SLIT3: variants seen among roughly 807,000 people sequenced by gnomAD.
The protein encoded by SLIT3 is slit guidance ligand 3, also known as slit homolog 3 protein.
SLIT3 carries 68 observed loss-of-function variants against 184.0 expected under a neutral mutation model. The ratio of observed to expected loss-of-function variants is 0.37; its 90% CI spans 0.30 to 0.45. SLIT3 has a LOEUF of 0.45. Among genes scored for constraint, SLIT3 ranks in the 20% least tolerant of loss-of-function variants. SLIT3 has a pLI of 1.00. For missense variants in SLIT3, 1,707 were observed against 2,026.0 expected (o/e 0.84, Z 3.02); for synonymous variants, 831 against 828.6 (o/e 1.00, Z -0.05).
chr5:168,832,858 G>T (rs1194193463), intron 6 of SLIT3, among the ~76,000 whole-genome samples: 2 of 152,146 alleles, frequency 1.3e-5, no homozygotes, highest in Non-Finnish European at 2.9e-5. Flanking sequence ...CTGGGGGCTG[G>T]ATCTGGCTTG....
At chr5:168,909,508 A>T (rs1241405839) in intron 4 of SLIT3, among the ~76,000 whole-genome samples, 3 of 152,132 alleles carry the variant, frequency 2.0e-5, no homozygotes, top group Non-Finnish European at 4.4e-5. Flanking sequence ...TCCTAACACT[A>T]AGGCCCCTGT....
chr5:168,821,195 C>T (rs181255675), intron 7 of SLIT3, among the ~76,000 whole-genome samples: 160 of 152,324 alleles, frequency 1.1e-3, no homozygotes, highest in Non-Finnish European at 1.9e-3. Context: ...TCTCTTCCCC[C>T]GCCCTACTGC....
chr5:168,860,716 C>T (rs1288871784), intron 5 of SLIT3, among the ~76,000 whole-genome samples: 2 of 152,190 alleles, frequency 1.3e-5, no homozygotes, highest in Admixed American at 6.5e-5. Context: ...CTAAATCAAC[C>T]CAAGGCTGGG....
intron 4 of SLIT3, among the ~76,000 whole-genome samples, chr5:169,174,299 CT>C (rs1194628230): frequency 2.0e-5 from 3 of 152,146 alleles, no homozygotes; most frequent in Non-Finnish European, 4.4e-5. Flanking sequence ...AAACCAGTTC[CT>C]CTAGGGTGGA....
At chr5:169,005,522 G>C (rs1052661530) in intron 4 of SLIT3, among the ~76,000 whole-genome samples, 3 of 152,146 alleles carry the variant, frequency 2.0e-5, no homozygotes, top group Admixed American at 2.0e-4. Context: ...CTGATGACCT[G>C]GGCCAAGGTT....
At chr5:168,730,220 A>G (rs1221633944) in intron 20 of SLIT3, among the ~76,000 whole-genome samples, 2 of 152,112 alleles carry the variant, frequency 1.3e-5, no homozygotes, top group African/African-American at 4.8e-5. Context: ...GAACTCAAAT[A>G]ACACAAACAA....
At chr5:168,856,394 G>A (rs1041881915) in intron 5 of SLIT3, among the ~76,000 whole-genome samples, 2 of 152,184 alleles carry the variant, frequency 1.3e-5, no homozygotes, top group African/African-American at 4.8e-5. Flanking sequence ...TTCTATCTGG[G>A]TGTGAGAAGA....
intron 4 of SLIT3, among the ~76,000 whole-genome samples, chr5:168,997,141 C>T (rs1378071731): frequency 2.0e-4 from 31 of 152,068 alleles, no homozygotes; most frequent in Admixed American, 2.0e-3. Context: ...GCATCGCGTG[C>T]CCCTTCTCTA....
chr5:169,261,524 C>T (rs573416260), intron 1 of SLIT3, among the ~76,000 whole-genome samples: 47 of 152,040 alleles, frequency 3.1e-4, no homozygotes, highest in African/African-American at 1.1e-3. Flanking sequence ...TTCCTTCCCT[C>T]CCCATCTCCT....
intron 4 of SLIT3, among the ~76,000 whole-genome samples, chr5:169,025,609 C>T (rs1756787924): frequency 6.6e-6 from 1 of 152,176 alleles, no homozygotes; most frequent in South Asian, 2.1e-4. Flanking sequence ...GATCTCTGTG[C>T]TGTAAGGAAA....
chr5:168,832,532 A>G (rs1757914794), intron 6 of SLIT3, among the ~76,000 whole-genome samples: 2 of 152,222 alleles, frequency 1.3e-5, no homozygotes, highest in African/African-American at 4.8e-5. Flanking sequence ...CTTTTGATAC[A>G]AATAAATTCC....
intron 6 of SLIT3, 137 bp downstream of exon 6, chr5:168,844,447 C>T (rs1010337735): frequency 4.2e-6 from 3 of 717,704 alleles, no homozygotes; most frequent in Non-Finnish European, 6.9e-6. Flanking sequence ...ATTTTAATAG[C>T]ACTGCAGCAG....
intron 17 of SLIT3, among the ~76,000 whole-genome samples, 197 bp downstream of exon 17, chr5:168,753,667 T>C (rs925398335): frequency 6.6e-6 from 1 of 152,184 alleles, no homozygotes; most frequent in Non-Finnish European, 1.5e-5. Flanking sequence ...TGAGTGTGCA[T>C]GCTGGAGGTG....
intron 3 of SLIT3, among the ~76,000 whole-genome samples, chr5:169,206,787 C>A (rs1764081080): frequency 6.6e-6 from 1 of 152,174 alleles, no homozygotes; most frequent in East Asian, 1.9e-4. Context: ...TAAGCCTTTT[C>A]TGGCATAAGC....
intron 4 of SLIT3, among the ~76,000 whole-genome samples, chr5:168,963,741 C>T (rs1763092018): frequency 6.6e-6 from 1 of 152,178 alleles, no homozygotes. Context: ...CTTGCAAATG[C>T]CAGGTTGGAA....
intron 4 of SLIT3, among the ~76,000 whole-genome samples, chr5:169,157,691 C>A (rs1762355871): frequency 6.6e-6 from 1 of 152,004 alleles, no homozygotes; most frequent in African/African-American, 2.4e-5. Flanking sequence ...AAGAAAAAAC[C>A]AACTTATATG....
chr5:168,857,899 C>T (rs1316126079), intron 5 of SLIT3, among the ~76,000 whole-genome samples: 4 of 152,166 alleles, frequency 2.6e-5, no homozygotes, highest in African/African-American at 7.2e-5. Context: ...AGTTCTTAGG[C>T]GGGACAAGAC....
chr5:168,920,232 T>C (rs1761591642), intron 4 of SLIT3, among the ~76,000 whole-genome samples: 3 of 152,140 alleles, frequency 2.0e-5, no homozygotes, highest in Admixed American at 1.3e-4. Context: ...TGTCTCTGGG[T>C]AAGCTATGCA....
intron 4 of SLIT3, among the ~76,000 whole-genome samples, chr5:168,976,772 C>T (rs1754777405): frequency 6.6e-6 from 1 of 152,196 alleles, no homozygotes; most frequent in African/African-American, 2.4e-5. Flanking sequence ...CAGTGACCTG[C>T]AGTTCCTATT....
Sources: gnomAD v4.1 joint callset for allele counts (sites outside exome capture counted in the v4.1 genomes callset) on GRCh38, gnomAD v4.1.1 for gene constraint, MANE v1.5 for transcripts, NCBI Gene and HGNC (gene_info 2026-07-23, HGNC 2026-07-21) for gene names.